Variants in ZNF16 observed in about 807,000 individuals in gnomAD.
The protein encoded by ZNF16 is zinc finger protein 16.
A neutral mutation model predicts 9.0 loss-of-function variants in ZNF16; 7 were observed. That is an observed-to-expected ratio of 0.78 (90% CI 0.44 to 1.47). The LOEUF is 1.47. Ranked by LOEUF, ZNF16 falls within the 40% of genes most tolerant of loss-of-function variation. ZNF16 has a pLI of 0.01. For synonymous variants in ZNF16, 312 were observed against 301.5 expected, an observed-to-expected ratio of 1.03 and a Z score of -0.36; for missense variants, 830 against 854.2, an observed-to-expected ratio of 0.97 and a Z score of 0.35.
intron 2 of ZNF16, among the ~76,000 whole-genome samples, chr8:144,942,200 A>C (rs11990389): frequency 1.1e-4 from 17 of 150,204 alleles, no homozygotes; most frequent in Non-Finnish European, 1.6e-4. Flanking sequence ...GGATGGTCTC[A>C]ATCTCCTGAC....
rs184848476 is a variant in ZNF16 at position 144,933,772 on chromosome 8, G to A, written c.197-1182C>T. Among the ~76,000 whole-genome samples, 740 of 152,274 alleles carry A rather than the reference G, an allele frequency of 4.9e-3. 5 individuals carry two copies. Among genetic ancestry groups the A allele is most frequent in the Middle Eastern group, 6.8e-3 (2 of 294 alleles). ...TCCACCTTTGGGTCTGCCTTGCCCA[G>A]AGCACTCTCCACATGGCCCTCGTGC... On this transcript the variant is annotated intron_variant, in intron 2 of 2. Coordinates refer to ENST00000394909, the MANE Select transcript of ZNF16 (RefSeq NM_006958.3). This position sits in a 1 kb window ranked among gnomAD's most constrained non-coding sequence, Gnocchi z 5.6.
rs112032395 is a variant in ZNF16, at chr8:144,945,653, T to C, written c.196+358A>G. 350 of 181,140 alleles carry C rather than the reference T, an allele frequency of 1.9e-3. 3 individuals carry two copies. The highest frequency in any genetic ancestry group is 2.7e-3 in the African/African-American group (117 of 42,810). The allele number at this position is 181,140 out of a possible 1,614,324, so 11.2% of individuals were successfully genotyped here. ...CCTAGGCTTTAGATGGCCAACTGTATGGGTAACCACAGTACAAAGCCCTGG... is the reference window on the plus strand; with the variant it reads ...CCTAGGCTTTAGATGGCCAACTGTACGGGTAACCACAGTACAAAGCCCTGG... On this transcript the variant is annotated intron_variant, in intron 2 of 2. Coordinates refer to ENST00000394909, the MANE Select transcript of ZNF16 (RefSeq NM_006958.3).
At chr8:144,946,553 G>A (rs1481389289) in intron 1 of ZNF16, among the ~76,000 whole-genome samples, 1 of 82,474 alleles carries the variant, frequency 1.2e-5, no homozygotes, top group East Asian at 4.8e-4. Flanking sequence ...TACTGCTGTG[G>A]GGCCTGTACC....
chr8:144,938,938 T>A (rs1833741966), intron 2 of ZNF16, among the ~76,000 whole-genome samples: 1 of 152,184 alleles, frequency 6.6e-6, no homozygotes, highest in Admixed American at 6.5e-5. Context: ...GCTTTTTTTT[T>A]TTAACTGTGA....
At chr8:144,950,123 C>T (rs977250752) in intron 1 of ZNF16, among the ~76,000 whole-genome samples, 2 of 152,032 alleles carry the variant, frequency 1.3e-5, no homozygotes, top group African/African-American at 4.8e-5. Context: ...ACAAATCTGG[C>T]CTACGTGCCC....
intron 2 of ZNF16, among the ~76,000 whole-genome samples, chr8:144,936,538 A>G (rs1833685986): frequency 6.6e-6 from 1 of 152,044 alleles, no homozygotes; most frequent in Non-Finnish European, 1.5e-5. Flanking sequence ...GTTTCTCCAC[A>G]TCCTCTTTTA....
At chr8:144,945,741 T>G in intron 2 of ZNF16, 1 of 418,478 alleles carries the variant, frequency 2.4e-6, no homozygotes, top group South Asian at 4.9e-5. Flanking sequence ...TGGGAAGGGG[T>G]CAGGAGTATA....
At chr8:144,950,099 T>C (rs920074543) in intron 1 of ZNF16, among the ~76,000 whole-genome samples, 3 of 152,058 alleles carry the variant, frequency 2.0e-5, no homozygotes, top group Non-Finnish European at 2.9e-5. Context: ...ACTGAGATGT[T>C]TGGGTGGAGA....
chr8:144,942,031 G>A (rs1192112273), intron 2 of ZNF16, among the ~76,000 whole-genome samples: 5 of 144,870 alleles, frequency 3.5e-5, no homozygotes, highest in Non-Finnish European at 7.5e-5. Context: ...AGGCTGGAGT[G>A]CAGTGGCGCG....
At chr8:144,939,405 G>A (rs1000537313) in intron 2 of ZNF16, among the ~76,000 whole-genome samples, 4 of 151,968 alleles carry the variant, frequency 2.6e-5, no homozygotes, top group Non-Finnish European at 4.4e-5. Context: ...AGGAGTTTGA[G>A]ACCAGCCTGG....
chr8:144,938,856 T>C (rs1253399957), intron 2 of ZNF16, among the ~76,000 whole-genome samples: 2 of 152,228 alleles, frequency 1.3e-5, no homozygotes, highest in East Asian at 3.8e-4. Context: ...GTGTATGATG[T>C]CAGCTTGAGG....
rs183236341 is a variant in ZNF16, at chr8:144,930,723, T to C, written c.*15A>G. The C allele has an allele frequency of 6.6e-7, 1 of 1,518,186 alleles. No homozygotes were observed. The highest frequency in any genetic ancestry group is 8.8e-7 in the Non-Finnish European group (1 of 1,135,176). The allele number at this position is 1,518,186 out of a possible 1,614,324, so 94.0% of individuals were successfully genotyped here. A position where few individuals can be genotyped will look rare whatever the true frequency, so the allele number is the denominator to read the frequency against. On this transcript the variant is annotated 3_prime_UTR_variant, in exon 3 of 3. Transcript: ENST00000394909. ...AGGAAACTATGCTCGGTTTCACTCCTGCCAGCCCAACAGCCTATTCCCTGG... is the reference window on the plus strand; with the variant it reads ...AGGAAACTATGCTCGGTTTCACTCCCGCCAGCCCAACAGCCTATTCCCTGG...
intron 1 of ZNF16, among the ~76,000 whole-genome samples, chr8:144,947,449 G>A (rs987744493): frequency 2.0e-5 from 3 of 152,156 alleles, no homozygotes; most frequent in Non-Finnish European, 2.9e-5. Context: ...CATTCACAAT[G>A]CTCTGAAGCT....
intron 2 of ZNF16, among the ~76,000 whole-genome samples, chr8:144,943,474 C>T (rs11248217): frequency 0.42 from 63,162 of 151,824 alleles, 16,726 homozygotes; most frequent in African/African-American, 0.76. Context: ...CTACTATGCA[C>T]GTTGGTCTAC....
At chr8:144,947,011 C>G (rs1405485396) in intron 1 of ZNF16, among the ~76,000 whole-genome samples, 228 of 85,274 alleles carry the variant, frequency 2.7e-3, no homozygotes, top group East Asian at 6.1e-3. Context: ...CTGCTGTGGG[C>G]CTGTATCCTG....
At chr8:144,934,156 C>A (rs934753988) in intron 2 of ZNF16, among the ~76,000 whole-genome samples, 3 of 152,254 alleles carry the variant, frequency 2.0e-5, no homozygotes, top group African/African-American at 7.2e-5. Flanking sequence ...TCCAAACCGG[C>A]CCAGCTCTCA....
intron 2 of ZNF16, among the ~76,000 whole-genome samples, chr8:144,939,976 G>A (rs1317292533): frequency 1.3e-5 from 2 of 152,030 alleles, no homozygotes; most frequent in Non-Finnish European, 2.9e-5. Context: ...ATTTAACACT[G>A]TTCTAATCCT....
Position 144,943,143 on chromosome 8 carries a change from T to TC in ZNF16, c.196+2867dup, listed in dbSNP as rs1491102052. 2.0e-5 allele frequency among the ~76,000 whole-genome samples: 3 copies of TC among 152,182 alleles called. No homozygotes were observed. In the South Asian group the frequency reaches 6.2e-4, roughly 32 times the overall value. ...AGAATTCTTAGTTGACAGGTTTTTT[T>TC]CCCCCTCTTAGCAGTTTAACTAAGC... On this transcript the variant is annotated intron_variant, in intron 2 of 2. Coordinates refer to ENST00000394909, the MANE Select transcript of ZNF16 (RefSeq NM_006958.3).
chr8:144,947,117 G>T (rs1833973573), intron 1 of ZNF16, among the ~76,000 whole-genome samples: 3 of 133,846 alleles, frequency 2.2e-5, no homozygotes, highest in African/African-American at 9.5e-5. Flanking sequence ...GTCCTGCTGT[G>T]GGGCCTGTAC....
Sources: allele counts gnomAD v4.1 joint callset (sites outside exome capture counted in the v4.1 genomes callset), GRCh38; gene constraint gnomAD v4.1.1; non-coding constraint Gnocchi (gnomAD v3.1); transcripts MANE v1.5; gene names NCBI Gene and HGNC (gene_info 2026-07-23, HGNC 2026-07-21).